Variants in GRIP1 observed in about 807,000 individuals in gnomAD.
The protein encoded by GRIP1 is glutamate receptor interacting protein 1.
Under a neutral mutation model 129.9 loss-of-function variants are expected in GRIP1, and 45 were observed. That is an observed-to-expected ratio of 0.35 (90% CI 0.27 to 0.44). The LOEUF (loss-of-function observed/expected upper bound fraction) is 0.44. Among genes scored for constraint, GRIP1 ranks in the 20% least tolerant of loss-of-function variants. GRIP1 has a pLI of 1.00. For synonymous variants in GRIP1, 530 were observed against 520.8 expected (o/e 1.02, Z -0.24); for missense variants, 1,196 against 1,396.8 (o/e 0.86, Z 2.29).
At chr12:66,698,487 G>A (rs1228246675) in intron 1 of GRIP1, among the ~76,000 whole-genome samples, 2 of 152,174 alleles carry the variant, frequency 1.3e-5, no homozygotes, top group Non-Finnish European at 2.9e-5. Context: ...ACGCAAGGCA[G>A]AACTTCACAA....
intron 1 of GRIP1, among the ~76,000 whole-genome samples, chr12:66,738,226 TTC>T (rs1440137857): frequency 6.6e-6 from 1 of 151,726 alleles, no homozygotes; most frequent in African/African-American, 2.4e-5. Context: ...TCTTTTTTTT[TTC>T]TTTTTTTTTG....
At chr12:66,765,002 T>C (rs982039528) in intron 1 of GRIP1, among the ~76,000 whole-genome samples, 1 of 152,236 alleles carries the variant, frequency 6.6e-6, no homozygotes, top group African/African-American at 2.4e-5. Flanking sequence ...ATTATTATCC[T>C]TATTGGATAG....
intron 1 of GRIP1, among the ~76,000 whole-genome samples, chr12:66,748,623 A>T (rs764359962): frequency 2.0e-4 from 31 of 152,168 alleles, no homozygotes; most frequent in Non-Finnish European, 3.4e-4. Context: ...GGATCTAGAG[A>T]GACTTTAAGG....
intron 2 of GRIP1, among the ~76,000 whole-genome samples, chr12:66,553,824 G>A (rs1027670176): frequency 2.0e-5 from 3 of 151,960 alleles, no homozygotes; most frequent in Non-Finnish European, 4.4e-5. Context: ...GCAATACCAA[G>A]CAGAAGTCAG....
In GRIP1 at chr12:66,420,590, A is replaced by C; in HGVS notation, c.1838+130T>G. The C allele has an allele frequency of 4.2e-6, 3 of 707,886 alleles. 1 individual carries two copies. The South Asian group carries it at 4.5e-5, about 11-fold the overall frequency. 43.9% of individuals were successfully genotyped at this position (707,886 alleles called of 1,614,324 possible). A position where few individuals can be genotyped will look rare whatever the true frequency, so the allele number is the denominator to read the frequency against. On this transcript the variant is annotated intron_variant, in intron 15 of 24. Coordinates refer to ENST00000359742, the MANE Select transcript of GRIP1 (RefSeq NM_001366722.1). Reference sequence around the variant, plus strand: ...TAGGGATGTCAAATATGATCAATTAATAGTGGCTGCTTGGAAGTTTTTGAA... The same window carrying C: ...TAGGGATGTCAAATATGATCAATTACTAGTGGCTGCTTGGAAGTTTTTGAA...
At chr12:66,615,776 C>T (rs574719983) in intron 1 of GRIP1, among the ~76,000 whole-genome samples, 5 of 152,270 alleles carry the variant, frequency 3.3e-5, no homozygotes, top group African/African-American at 1.2e-4. Context: ...TCCCGAGTAG[C>T]TGGGATTACA....
intron 1 of GRIP1, among the ~76,000 whole-genome samples, chr12:66,802,223 T>C (rs754763947): frequency 1.3e-5 from 2 of 152,264 alleles, no homozygotes; most frequent in Middle Eastern, 3.4e-3. Flanking sequence ...CTGTTTATTA[T>C]GTAGTAGTTT....
chr12:67,029,407 C>G (rs2042987494), intron 1 of GRIP1, among the ~76,000 whole-genome samples: 1 of 151,956 alleles, frequency 6.6e-6, no homozygotes, highest in Admixed American at 6.6e-5. Context: ...AGCCATTGTG[C>G]CTGGCCAAAA....
intron 1 of GRIP1, among the ~76,000 whole-genome samples, chr12:66,601,946 A>C (rs2029693): frequency 0.6 from 90,856 of 152,038 alleles, 28,333 homozygotes; most frequent in African/African-American, 0.72. Flanking sequence ...AATCATTACT[A>C]CCTACATTTG....
chr12:66,722,049 G>A (rs955686605), intron 1 of GRIP1, among the ~76,000 whole-genome samples: 5 of 152,184 alleles, frequency 3.3e-5, no homozygotes, highest in African/African-American at 9.7e-5. Flanking sequence ...AACTTTCTCC[G>A]TATTGCAGTA....
intron 3 of GRIP1, among the ~76,000 whole-genome samples, chr12:66,540,734 A>G (rs2061750163): frequency 6.6e-6 from 1 of 152,216 alleles, no homozygotes; most frequent in Non-Finnish European, 1.5e-5. Context: ...GTGGATATGA[A>G]TATTGGTGGC....
rs568699593 is a variant in GRIP1, at chr12:66,790,166, G to C, written c.-420+13887C>G. Among the ~76,000 whole-genome samples, 8 of 152,186 alleles carry C rather than the reference G, an allele frequency of 5.3e-5. No homozygotes were observed. The South Asian group carries it at 1.7e-3, about 32-fold the overall frequency. On this transcript the variant is annotated intron_variant, in intron 1 of 4. Coordinates refer to the GRIP1 transcript ENST00000538373. Reference sequence around the variant, plus strand: ...GCAAGAATAACTGATTTCATTTTAGGGAAAAGATATCAACAATAAACTGCT... The same window carrying C: ...GCAAGAATAACTGATTTCATTTTAGCGAAAAGATATCAACAATAAACTGCT...
rs747210276 is a variant in GRIP1 at position 66,379,296 on chromosome 12, G to A, written c.2605C>T (p.Arg869Trp). 1.4e-5 allele frequency: 22 copies of A among 1,613,750 alleles called. No individual in the cohort carries two copies. The highest frequency in any genetic ancestry group is 1.5e-5 in the Non-Finnish European group (18 of 1,179,844). The part of the protein sequence containing the change: ...DVGLSYEDWD[R>W]STASGFAGAA... Reference sequence around the variant, plus strand: ...AAACCTTACCCACTGGCTGTGGACCGGTCCCAGTCTTCATAACTCAGCCCC... The same window carrying A: ...AAACCTTACCCACTGGCTGTGGACCAGTCCCAGTCTTCATAACTCAGCCCC... Residue 869 changes from arginine (R) to tryptophan (W), a missense_variant, in exon 20 of 25, where the codon CGG (arginine) becomes TGG (tryptophan). Arg to Trp is a moderately radical substitution (Grantham distance 101). This residue lies in a region of GRIP1 where 427 missense variants were observed against 463.3 expected (regional missense o/e 0.92). Coordinates refer to ENST00000359742, the MANE Select transcript of GRIP1 (RefSeq NM_001366722.1).
At chr12:66,905,523 A>C (rs1436676223) in intron 1 of GRIP1, among the ~76,000 whole-genome samples, 1 of 152,244 alleles carries the variant, frequency 6.6e-6, no homozygotes, top group Non-Finnish European at 1.5e-5. Flanking sequence ...AGAGCAAATG[A>C]CAATTCAGGT....
At chr12:66,436,557 A>C (rs1183236112) in intron 13 of GRIP1, among the ~76,000 whole-genome samples, 1 of 152,236 alleles carries the variant, frequency 6.6e-6, no homozygotes, top group African/African-American at 2.4e-5. Flanking sequence ...TATGTATGGT[A>C]AGGATTTTGG....
intron 2 of GRIP1, among the ~76,000 whole-genome samples, chr12:66,542,424 G>A (rs974919027): frequency 2.6e-5 from 4 of 152,140 alleles, no homozygotes; most frequent in Non-Finnish European, 5.9e-5. Context: ...GCTTTCTACA[G>A]GTTCTAGAAA....
chr12:66,434,691 C>T (rs182344608), intron 13 of GRIP1, among the ~76,000 whole-genome samples: 6 of 152,342 alleles, frequency 3.9e-5, no homozygotes, highest in East Asian at 1.9e-4. Flanking sequence ...CCCCATACTG[C>T]GCTTTAACAA....
intron 13 of GRIP1, among the ~76,000 whole-genome samples, chr12:66,436,845 G>A (rs1466782273): frequency 6.6e-6 from 1 of 151,980 alleles, no homozygotes; most frequent in Non-Finnish European, 1.5e-5. Context: ...ACTTAGCCAG[G>A]CTTGGTGGCA....
chr12:67,048,218 A>G (rs1045357711), intron 1 of GRIP1, among the ~76,000 whole-genome samples: 6 of 151,986 alleles, frequency 3.9e-5, no homozygotes, highest in African/African-American at 1.5e-4. Context: ...ATTTGTTTAC[A>G]TACACTCAGA....
Sources: gnomAD v4.1 joint callset for allele counts (sites outside exome capture counted in the v4.1 genomes callset) on GRCh38, gnomAD v4.1.1 for gene constraint, gnomAD v4.1.1 regional missense constraint, MANE v1.5 for transcripts, NCBI Gene and HGNC (gene_info 2026-07-23, HGNC 2026-07-21) for gene names.